Variants in PRKCE observed in about 807,000 individuals in gnomAD.
PRKCE encodes protein kinase C epsilon, also known as protein kinase C epsilon type.
A neutral mutation model predicts 85.4 loss-of-function variants in PRKCE; 16 were observed. The observed-to-expected ratio is 0.19, with a 90% CI of 0.13 to 0.28. The LOEUF (loss-of-function observed/expected upper bound fraction) is 0.28. Among genes scored for constraint, PRKCE ranks in the 10% least tolerant of loss-of-function variants. PRKCE has a pLI of 1.00. For synonymous variants in PRKCE, 388 were observed against 371.5 expected, an observed-to-expected ratio of 1.04 and a Z score of -0.51; for missense variants, 573 against 975.2, an observed-to-expected ratio of 0.59 and a Z score of 5.49.
intron 11 of PRKCE, among the ~76,000 whole-genome samples, chr2:46,134,507 A>C (rs1365626725): frequency 6.6e-6 from 1 of 152,210 alleles, no homozygotes; most frequent in Non-Finnish European, 1.5e-5. Context: ...TCTGATTTAC[A>C]TTTCGTGTAA....
rs796173958 is a variant in PRKCE at position 45,652,700 on chromosome 2, G to T, written c.348+252G>T. ...GTGCCCTCCAGTTGGTGGGTGCTGC[G>T]GGAGGTTTGCAAACTGGGAGAGCCT... is the stretch of plus-strand genomic sequence containing the variant. On this transcript the variant is annotated intron_variant, in intron 1 of 14. Coordinates refer to ENST00000306156, the MANE Select transcript of PRKCE (RefSeq NM_005400.3). The surrounding 1 kb of genome is among the most constrained non-coding windows in gnomAD (Gnocchi z 7.7). Among the ~76,000 whole-genome samples the T allele has an allele frequency of 1.4e-4, 22 of 152,316 alleles. No individual in the cohort carries two copies. The highest frequency in any genetic ancestry group is 5.3e-4 in the African/African-American group (22 of 41,578).
intron 1 of PRKCE, among the ~76,000 whole-genome samples, chr2:45,749,035 A>G (rs954721570): frequency 6.6e-6 from 1 of 152,030 alleles, no homozygotes; most frequent in Non-Finnish European, 1.5e-5. Flanking sequence ...AATTATAGGC[A>G]TGCACCACCA....
intron 2 of PRKCE, among the ~76,000 whole-genome samples, chr2:45,853,804 G>A (rs780012049): frequency 5.1e-4 from 77 of 152,268 alleles, no homozygotes; most frequent in Non-Finnish European, 9.0e-4. Context: ...AGTGGGCATG[G>A]ATCTGAATGT....
intron 10 of PRKCE, among the ~76,000 whole-genome samples, chr2:46,067,178 A>G (rs542023298): frequency 6.6e-6 from 1 of 152,344 alleles, no homozygotes; most frequent in East Asian, 1.9e-4. Context: ...TGGCCAAGCA[A>G]TGCATTCCTT....
intron 5 of PRKCE, among the ~76,000 whole-genome samples, chr2:45,983,684 G>A (rs1226243172): frequency 6.6e-6 from 1 of 152,162 alleles, no homozygotes; most frequent in Non-Finnish European, 1.5e-5. Flanking sequence ...GCCCTGTAGG[G>A]TGGTGGTGAG....
In PRKCE at chr2:45,801,976, C is replaced by T. The variant is rs547156879; in HGVS notation, c.349-41024C>T. Among the ~76,000 whole-genome samples, 43 of 151,990 alleles carry T rather than the reference C, an allele frequency of 2.8e-4. No individual in the cohort carries two copies. In the South Asian group the frequency reaches 7.5e-3, roughly 26 times the overall value. On this transcript the variant is annotated intron_variant, in intron 1 of 14. Transcript: ENST00000306156. ...TTTGAAAGCAATACTAGGCCAGGCCCAGTGGCTCATGCCTGTAATTCTAGC... is the reference window on the plus strand; with the variant it reads ...TTTGAAAGCAATACTAGGCCAGGCCTAGTGGCTCATGCCTGTAATTCTAGC...
At chr2:45,708,881 C>T (rs990158702) in intron 1 of PRKCE, among the ~76,000 whole-genome samples, 6 of 152,142 alleles carry the variant, frequency 3.9e-5, no homozygotes, top group African/African-American at 1.4e-4. Flanking sequence ...GTGGCAGAGT[C>T]AGAAGAGGGA....
chr2:46,022,121 G>A (rs539816386), intron 10 of PRKCE, among the ~76,000 whole-genome samples: 5 of 152,328 alleles, frequency 3.3e-5, no homozygotes, highest in South Asian at 2.1e-4. Flanking sequence ...CCCTGTTGAC[G>A]TGTGGGAAAC....
chr2:45,799,253 A>G (rs1273568208), intron 1 of PRKCE, among the ~76,000 whole-genome samples: 1 of 152,112 alleles, frequency 6.6e-6, no homozygotes, highest in South Asian at 2.1e-4. Context: ...TCTGAGCTCC[A>G]CTTTTCTATT....
At chr2:45,699,564 C>T (rs988271253) in intron 1 of PRKCE, among the ~76,000 whole-genome samples, 11 of 152,138 alleles carry the variant, frequency 7.2e-5, no homozygotes, top group Non-Finnish European at 1.6e-4. Flanking sequence ...GCACCAGCCC[C>T]CATGCTGTGT....
intron 11 of PRKCE, among the ~76,000 whole-genome samples, chr2:46,110,602 T>C (rs1039835854): frequency 2.1e-4 from 32 of 152,118 alleles, no homozygotes; most frequent in Admixed American, 2.1e-3. Context: ...AGCCTGGCTA[T>C]AGTCTTGTCA....
intron 1 of PRKCE, among the ~76,000 whole-genome samples, chr2:45,784,964 A>G (rs184726222): frequency 1.3e-5 from 2 of 152,322 alleles, no homozygotes; most frequent in East Asian, 3.9e-4. Context: ...GGTATTTCTT[A>G]TCCTTTTCCT....
intron 2 of PRKCE, among the ~76,000 whole-genome samples, chr2:45,868,524 A>G (rs952814274): frequency 2.0e-5 from 3 of 150,150 alleles, no homozygotes; most frequent in South Asian, 2.1e-4. Context: ...GAGTTTCCCC[A>G]TGTTGGCCAG....
chr2:45,973,351 C>T (rs926339360), intron 2 of PRKCE, among the ~76,000 whole-genome samples: 4 of 152,190 alleles, frequency 2.6e-5, no homozygotes, highest in African/African-American at 9.7e-5. Flanking sequence ...TTTTCAGCAG[C>T]CACAGGCTCC....
intron 10 of PRKCE, among the ~76,000 whole-genome samples, chr2:46,071,044 T>A (rs1209162610): frequency 6.6e-6 from 1 of 152,232 alleles, no homozygotes; most frequent in Non-Finnish European, 1.5e-5. Flanking sequence ...CTAGGTCTCA[T>A]CACTGTTCTC....
intron 2 of PRKCE, among the ~76,000 whole-genome samples, chr2:45,917,434 A>G (rs1697885240): frequency 6.6e-6 from 1 of 151,870 alleles, no homozygotes; most frequent in Non-Finnish European, 1.5e-5. Context: ...GAGTAGCTAG[A>G]TACAGAGTGT....
chr2:45,861,791 A>G (rs1449043678), intron 2 of PRKCE, among the ~76,000 whole-genome samples: 3 of 152,230 alleles, frequency 2.0e-5, no homozygotes, highest in Admixed American at 2.0e-4. Context: ...AAGGCAAGGT[A>G]AATGTTTACA....
chr2:46,134,326 T>A lies in PRKCE; in HGVS notation c.1593-10767T>A, dbSNP rs191377461. Among the ~76,000 whole-genome samples, 21 of 152,258 alleles carry A rather than the reference T, an allele frequency of 1.4e-4. No homozygotes were observed. In the East Asian group the frequency reaches 4.1e-3, roughly 29 times the overall value. ...ATAGTGGAACAGGAGACAGGGACCA[T>A]CTGAAGGTTCCTCTGGCCTTCTAGC... On this transcript the variant is annotated intron_variant, in intron 11 of 14. Coordinates refer to ENST00000306156, the MANE Select transcript of PRKCE (RefSeq NM_005400.3).
In PRKCE at chr2:46,086,223, G is replaced by T; in HGVS notation, c.1453G>T (p.Val485Phe). 6.3e-7 allele frequency: 1 copy of T among 1,598,862 alleles called. No homozygotes were observed. Among genetic ancestry groups the T allele is most frequent in the Non-Finnish European group, 8.5e-7 (1 of 1,179,750 alleles). Reference protein sequence around the residue: ...CFQTKDRLFFVMEYVNGGDLM... With the variant: ...CFQTKDRLFFFMEYVNGGDLM... Reference sequence around the variant, plus strand: ...CTCCTTTCAGGACCGCCTCTTTTTCGTCATGGAATATGTAAATGGTGGAGA... The same window carrying T: ...CTCCTTTCAGGACCGCCTCTTTTTCTTCATGGAATATGTAAATGGTGGAGA... The change falls in exon 11 of 15, where the codon GTC (valine) becomes TTC (phenylalanine). Residue 485 changes from valine (V) to phenylalanine (F), a missense_variant. By Grantham distance (50) the Val-to-Phe change is conservative. Around this residue, in one of 11 missense-constraint regions of PRKCE, gnomAD observed 89 missense variants for 154.1 expected, o/e 0.58. Coordinates refer to ENST00000306156, the MANE Select transcript of PRKCE (RefSeq NM_005400.3).
Sources: gnomAD v4.1 joint callset for allele counts (sites outside exome capture counted in the v4.1 genomes callset) on GRCh38, gnomAD v4.1.1 for gene constraint, gnomAD v4.1.1 regional missense constraint, Gnocchi (gnomAD v3.1) non-coding constraint, MANE v1.5 for transcripts, NCBI Gene and HGNC (gene_info 2026-07-23, HGNC 2026-07-21) for gene names.